Variants in LRRC37A2 observed in about 807,000 individuals in gnomAD.
LRRC37A2 encodes leucine-rich repeat-containing protein 37A2.
A neutral mutation model predicts 68.8 loss-of-function variants in LRRC37A2; 9 were observed. That is an observed-to-expected ratio of 0.13 (90% CI 0.08 to 0.23). The LOEUF is 0.23. Ranked by LOEUF, LRRC37A2 falls within the 10% of genes least tolerant of loss-of-function variation. LRRC37A2 has a pLI of 1.00. For synonymous variants in LRRC37A2, 63 were observed against 367.6 expected (o/e 0.17, Z 9.48); for missense variants, 168 against 950.4 (o/e 0.18, Z 10.82).
chr17:46,718,372 C>A, the LRRC37A2 span, among the ~76,000 whole-genome samples: 2 of 151,990 alleles, frequency 1.3e-5, no homozygotes, highest in Admixed American at 1.3e-4. Context: ...AAAATAACTA[C>A]AAGAGTGGAA....
At chr17:46,957,897 A>C in the LRRC37A2 span, among the ~76,000 whole-genome samples, 1 of 152,218 alleles carries the variant, frequency 6.6e-6, no homozygotes, top group Admixed American at 6.5e-5. Context: ...GCACTCACCC[A>C]GGACGCTGCA....
the LRRC37A2 span, among the ~76,000 whole-genome samples, chr17:46,821,596 C>G: frequency 3.3e-5 from 5 of 152,224 alleles, no homozygotes; most frequent in African/African-American, 1.2e-4. Context: ...GCCGGTGGAC[C>G]AGGAGGCCAT....
chr17:46,817,524 C>T, the LRRC37A2 span, among the ~76,000 whole-genome samples: 3 of 152,150 alleles, frequency 2.0e-5, no homozygotes, highest in East Asian at 3.9e-4. Flanking sequence ...CTGGGACCTG[C>T]GGAGGGTGGG....
At chr17:46,392,429 CTCTCTT>C in the LRRC37A2 span, among the ~76,000 whole-genome samples, 2 of 27,118 alleles carry the variant, frequency 7.4e-5, no homozygotes, top group African/African-American at 1.6e-4. Context: ...CTCTTTCTTT[CTCTCTT>C]TCTTTCTTTC....
chr17:46,780,680 G>A, the LRRC37A2 span, among the ~76,000 whole-genome samples: 2 of 152,158 alleles, frequency 1.3e-5, no homozygotes, highest in South Asian at 2.1e-4. Flanking sequence ...GAGAGGCTGA[G>A]GCAGGAGAAT....
the LRRC37A2 span, among the ~76,000 whole-genome samples, chr17:46,805,562 A>C: frequency 6.6e-6 from 1 of 152,178 alleles, no homozygotes; most frequent in African/African-American, 2.4e-5. Context: ...GACAAGAGTG[A>C]AAACTCTGTC....
the LRRC37A2 span, among the ~76,000 whole-genome samples, chr17:46,880,653 C>T: frequency 6.6e-6 from 1 of 152,220 alleles, no homozygotes; most frequent in Non-Finnish European, 1.5e-5. Flanking sequence ...TGAGAAGCCT[C>T]CTCATTGCAA....
the LRRC37A2 span, among the ~76,000 whole-genome samples, chr17:47,045,082 C>T: frequency 2.0e-4 from 27 of 133,060 alleles, no homozygotes; most frequent in East Asian, 6.7e-4. Context: ...GTTACGGTTC[C>T]GGGTCCATTC....
the LRRC37A2 span, among the ~76,000 whole-genome samples, chr17:46,858,465 TTTTTATTTTATTTTA>T: frequency 1.4e-3 from 217 of 151,292 alleles, no homozygotes; most frequent in Non-Finnish European, 2.6e-3. Flanking sequence ...CGTTTTCTCC[TTTTTATTTTATTTTA>T]TTTTATTTTA....
chr17:47,015,462 C>T, the LRRC37A2 span, among the ~76,000 whole-genome samples: 462 of 152,106 alleles, frequency 3.0e-3, 1 homozygote, highest in African/African-American at 0.01. Flanking sequence ...ACCGTGTACC[C>T]TAGGTATGGT....
the LRRC37A2 span, among the ~76,000 whole-genome samples, chr17:47,020,705 C>A: frequency 7.5e-6 from 1 of 134,116 alleles, no homozygotes; most frequent in South Asian, 2.6e-4. Flanking sequence ...TGGCGTGAAC[C>A]TGGGAGGCAG....
the LRRC37A2 span, among the ~76,000 whole-genome samples, chr17:46,961,634 G>C: frequency 6.6e-6 from 1 of 152,080 alleles, no homozygotes; most frequent in Non-Finnish European, 1.5e-5. Flanking sequence ...TAAATGAAAA[G>C]ATGAAATACG....
the LRRC37A2 span, chr17:47,049,094 ACT>A: frequency 2.5e-6 from 2 of 803,670 alleles, no homozygotes; most frequent in Non-Finnish European, 4.2e-6. Context: ...TCTGAATGGC[ACT>A]CAAATGTTTG....
chr17:46,569,349 TTATA>T, the LRRC37A2 span, among the ~76,000 whole-genome samples: 2 of 147,170 alleles, frequency 1.4e-5, no homozygotes, highest in African/African-American at 5.1e-5. Flanking sequence ...CATGAAGATT[TTATA>T]TATATATATA....
chr17:46,995,833 T>G, the LRRC37A2 span, among the ~76,000 whole-genome samples: 1 of 152,226 alleles, frequency 6.6e-6, no homozygotes, highest in African/African-American at 2.4e-5. Flanking sequence ...ACAGTAGGAT[T>G]TGCTCCTTGG....
the LRRC37A2 span, among the ~76,000 whole-genome samples, chr17:46,925,588 T>C: frequency 6.6e-6 from 1 of 152,220 alleles, no homozygotes; most frequent in Non-Finnish European, 1.5e-5. Context: ...AGTTCCATGA[T>C]AACAGAACTG....
intron 6 of LRRC37A2, among the ~76,000 whole-genome samples, chr17:46,533,665 C>T (rs954772781): frequency 1.4e-5 from 1 of 69,770 alleles, no homozygotes; most frequent in Non-Finnish European, 2.3e-5. Flanking sequence ...CCACACCCAG[C>T]TAATTTTTGT....
the LRRC37A2 span, among the ~76,000 whole-genome samples, chr17:46,798,002 C>G: frequency 2.0e-5 from 3 of 152,174 alleles, no homozygotes; most frequent in Non-Finnish European, 4.4e-5. Flanking sequence ...GATCCCGGCT[C>G]TCTGCAACGT....
At chr17:46,839,985 C>A in the LRRC37A2 span, among the ~76,000 whole-genome samples, 1 of 127,198 alleles carries the variant, frequency 7.9e-6, no homozygotes, top group Non-Finnish European at 1.7e-5. Context: ...TCTCTTCTTT[C>A]TTTCTTTTTT....
Sources: allele counts gnomAD v4.1 joint callset (sites outside exome capture counted in the v4.1 genomes callset), GRCh38; gene constraint gnomAD v4.1.1; transcripts MANE v1.5; gene names NCBI Gene and HGNC (gene_info 2026-07-23, HGNC 2026-07-21).